The following SLC24A4 variants were observed in gnomAD, a reference collection of about 807,000 sequenced individuals.
SLC24A4 encodes solute carrier family 24 member 4.
In SLC24A4, 53 loss-of-function variants were observed where a neutral mutation model predicts 79.0. That is an observed-to-expected ratio of 0.67 (90% CI 0.54 to 0.84). The LOEUF is 0.84. SLC24A4 is among the 40% of genes least tolerant of loss of function. The pLI is 0.00. For missense variants in SLC24A4, 731 were observed against 822.0 expected, an observed-to-expected ratio of 0.89 and a Z score of 1.35; for synonymous variants, 323 against 323.8, an observed-to-expected ratio of 1.00 and a Z score of 0.03.
intron 12 of SLC24A4, chr14:92,462,634 G>T (rs966090963): frequency 2.6e-5 from 4 of 152,136 alleles, no homozygotes; most frequent in African/African-American, 7.3e-5. Flanking sequence ...CTGACCTCAA[G>T]TGATCCACCC....
At chr14:92,416,630 G>A (rs1890998405) in intron 2 of SLC24A4, among the ~76,000 whole-genome samples, 1 of 152,218 alleles carries the variant, frequency 6.6e-6, no homozygotes. Flanking sequence ...TGGCTCAGCT[G>A]CTATTTTGTT....
intron 12 of SLC24A4, among the ~76,000 whole-genome samples, chr14:92,464,620 C>T (rs116504313): frequency 0.027 from 4,151 of 152,138 alleles, 184 homozygotes; most frequent in African/African-American, 0.094. Flanking sequence ...GGAAGGTGGT[C>T]GGTCCAGCCT....
chr14:92,349,235 C>T (rs570352571), intron 2 of SLC24A4, among the ~76,000 whole-genome samples: 50 of 151,994 alleles, frequency 3.3e-4, no homozygotes, highest in African/African-American at 1.2e-3. Flanking sequence ...TCTCGGCTCA[C>T]TGCAAACTCC....
At position 92,383,370 on chromosome 14, in the gene SLC24A4, C is replaced by T. The variant is rs1404372169; in HGVS notation, c.242-50542C>T. Among the ~76,000 whole-genome samples the T allele has an allele frequency of 7.9e-5, 12 of 152,136 alleles. 1 individual carries two copies. Among genetic ancestry groups the T allele is most frequent in the Admixed American group, 5.2e-4 (8 of 15,276 alleles). ...ATGTGGAATTGACAGGCCACACAAG[C>T]GCTCACAGATGGAAGACAAAACACC... On this transcript the variant is annotated intron_variant, in intron 2 of 16. Transcript: ENST00000532405.
At chr14:92,393,137 C>T (rs1199433671) in intron 2 of SLC24A4, among the ~76,000 whole-genome samples, 5 of 152,254 alleles carry the variant, frequency 3.3e-5, no homozygotes, top group African/African-American at 7.2e-5. Context: ...CACCAGCCAT[C>T]GAATCTGCTG....
intron 2 of SLC24A4, among the ~76,000 whole-genome samples, chr14:92,395,432 A>AACACACACACAC (rs60360408): frequency 2.5e-3 from 366 of 144,914 alleles, no homozygotes; most frequent in African/African-American, 8.3e-3. Context: ...AACAAAACAA[A>AACACACACACAC]ACACACACAC....
chr14:92,459,929 C>A (rs761074398), intron 12 of SLC24A4, among the ~76,000 whole-genome samples: 8 of 152,164 alleles, frequency 5.3e-5, no homozygotes, highest in South Asian at 2.1e-4. Flanking sequence ...TGGCCTGGGG[C>A]TGCAGGATGG....
rs1566699893 is a variant in SLC24A4, at chr14:92,343,620, CTT to C, written c.241+17644_241+17645del. Reference sequence around the variant, plus strand: ...TCTTTCTTTCTTTCTTTCTTTCTTTCTTTCTTTCTTTCTTTCTTTCTCTCTTT... The same window carrying C: ...TCTTTCTTTCTTTCTTTCTTTCTTTCTCTTTCTTTCTTTCTTTCTCTCTTT... On this transcript the variant is annotated intron_variant, in intron 2 of 16. Transcript: ENST00000532405. Among the ~76,000 whole-genome samples, 45 of 147,830 alleles carry C rather than the reference CTT, an allele frequency of 3.0e-4. 1 individual carries two copies. The South Asian group carries it at 9.8e-3, about 32-fold the overall frequency.
At chr14:92,401,609 G>T (rs1890116022) in intron 2 of SLC24A4, among the ~76,000 whole-genome samples, 1 of 152,172 alleles carries the variant, frequency 6.6e-6, no homozygotes, top group Non-Finnish European at 1.5e-5. Context: ...GCAGAGAGAG[G>T]CAGTGTTGTG....
chr14:92,330,880 C>T (rs1885439803), intron 2 of SLC24A4, among the ~76,000 whole-genome samples: 1 of 152,204 alleles, frequency 6.6e-6, no homozygotes. Context: ...GTTCAGGCTT[C>T]AAACTGTGAA....
chr14:92,326,642 C>T (rs116151392), intron 2 of SLC24A4, among the ~76,000 whole-genome samples: 3,402 of 152,232 alleles, frequency 0.022, 116 homozygotes, highest in African/African-American at 0.071. Context: ...GAGAAGACAG[C>T]GTATTGGCAG....
intron 2 of SLC24A4, among the ~76,000 whole-genome samples, chr14:92,385,532 T>A (rs2141720789): frequency 6.6e-6 from 1 of 151,970 alleles, no homozygotes; most frequent in African/African-American, 2.4e-5. Flanking sequence ...TATTTTTAAT[T>A]ACGTACAAAG....
chr14:92,486,523 G>C, intron 13 of SLC24A4, 143 bp from the exon 14 acceptor site: 1 of 618,900 alleles, frequency 1.6e-6, no homozygotes, highest in African/African-American at 1.9e-5. Flanking sequence ...TTTTTGTTTT[G>C]TTTTGTTTTG....
At chr14:92,427,525 C>A (rs1891630356) in intron 2 of SLC24A4, among the ~76,000 whole-genome samples, 3 of 152,206 alleles carry the variant, frequency 2.0e-5, no homozygotes, top group Admixed American at 1.3e-4. Flanking sequence ...GAGAGAGGAC[C>A]TGGGGACACC....
chr14:92,484,684 T>A (rs1251210207), intron 13 of SLC24A4: 1 of 985,268 alleles, frequency 1.0e-6, no homozygotes, highest in Non-Finnish European at 1.2e-6. Flanking sequence ...ATGGGGGACA[T>A]GGGGACACTT....
intron 2 of SLC24A4, among the ~76,000 whole-genome samples, chr14:92,386,018 C>T (rs111386803): frequency 6.6e-6 from 1 of 152,164 alleles, no homozygotes; most frequent in Non-Finnish European, 1.5e-5. Context: ...AGGCAGCTTG[C>T]CCCTGGCAGG....
Position 92,323,840 on chromosome 14 carries a change from C to T in SLC24A4, c.10C>T (p.Arg4Cys), listed in dbSNP as rs1358793245. The change falls in exon 1 of 17, where the codon CGC becomes TGC. Residue 4 changes from arginine to cysteine, a missense_variant. Transcript: ENST00000532405. This position sits in a 1 kb window ranked among gnomAD's most constrained non-coding sequence, Gnocchi z 4.9. ...ACCCAGGCGCTCCGGGATGGCGCTC[C>T]GCGGGACCCTCCGGCCGCTCAAAGT... MALRGTLRPLKVRR... is the reference protein window; with the variant it reads MALCGTLRPLKVRR... The T allele has an allele frequency of 2.5e-6, 4 of 1,579,960 alleles. No homozygotes were observed. Among genetic ancestry groups the T allele is most frequent in the South Asian group, 1.1e-5 (1 of 87,812 alleles).
chr14:92,334,384 C>T (rs1306067974), intron 2 of SLC24A4, among the ~76,000 whole-genome samples: 1 of 152,156 alleles, frequency 6.6e-6, no homozygotes, highest in Non-Finnish European at 1.5e-5. Context: ...CAAACAAAGG[C>T]TGAGGAAGAT....
At chr14:92,395,432 A>AACACACACACACACACACACACACAC (rs60360408) in intron 2 of SLC24A4, among the ~76,000 whole-genome samples, 1 of 144,816 alleles carries the variant, frequency 6.9e-6, no homozygotes, top group African/African-American at 2.5e-5. Context: ...AACAAAACAA[A>AACACACACACACACACACACACACAC]ACACACACAC....
Sources: gnomAD v4.1 joint callset for allele counts (sites outside exome capture counted in the v4.1 genomes callset) on GRCh38, gnomAD v4.1.1 for gene constraint, Gnocchi (gnomAD v3.1) non-coding constraint, MANE v1.5 for transcripts, NCBI Gene and HGNC (gene_info 2026-07-23, HGNC 2026-07-21) for gene names.